CAMK1G: variants seen among roughly 807,000 people sequenced by gnomAD.
CAMK1G encodes calcium/calmodulin dependent protein kinase IG.
A neutral mutation model predicts 54.8 loss-of-function variants in CAMK1G; 27 were observed. The ratio of observed to expected loss-of-function variants is 0.49; its 90% CI spans 0.36 to 0.68. The LOEUF is 0.68. CAMK1G is among the 30% of genes least tolerant of loss of function. The probability of loss-of-function intolerance (pLI) is 0.00; values close to 1 mark genes in which losing one functional copy is unlikely to be tolerated. For missense variants in CAMK1G, 512 were observed against 591.0 expected, an observed-to-expected ratio of 0.87 and a Z score of 1.39; for synonymous variants, 238 against 224.9, an observed-to-expected ratio of 1.06 and a Z score of -0.52.
chr1:209,584,122 C>A (rs1357616798), intron 1 of CAMK1G, among the ~76,000 whole-genome samples: 3 of 152,130 alleles, frequency 2.0e-5, no homozygotes, highest in Non-Finnish European at 4.4e-5. Flanking sequence ...CCTAGAGGGA[C>A]CCCGTCCATC....
intron 3 of CAMK1G, among the ~76,000 whole-genome samples, chr1:209,601,518 GGA>G: frequency 6.6e-6 from 1 of 152,310 alleles, no homozygotes; most frequent in Non-Finnish European, 1.5e-5. Context: ...ATAACATGCT[GGA>G]GACACAGGTC....
At chr1:209,608,911 G>A in intron 7 of CAMK1G, 69 bp from the exon 8 acceptor site, 2 of 1,595,730 alleles carry the variant, frequency 1.3e-6, no homozygotes, top group South Asian at 1.1e-5. Flanking sequence ...GGAGCTTGGG[G>A]GAGCAGAGAG....
In CAMK1G at chr1:209,613,028, T is replaced by C. The variant is rs1665821779; in HGVS notation, c.*38-12T>C. ...CAACCCCCTCCTCACTCTGAGCCCC[T>C]TTCTCTTGCAGGAGACATATTCAAC... On this transcript the variant is annotated splice_polypyrimidine_tract_variant and intron_variant, in intron 12 of 12. Transcript: ENST00000361322. The C allele has an allele frequency of 1.7e-6, 1 of 597,548 alleles. No individual in the cohort carries two copies. Among genetic ancestry groups the C allele is most frequent in the South Asian group, 1.9e-5 (1 of 52,342 alleles). The allele number at this position is 597,548 out of a possible 1,614,324, so 37.0% of individuals were successfully genotyped here.
rs868779412 is a variant in CAMK1G at position 209,596,661 on chromosome 1, C to A, written c.92+1586C>A. 6.4e-3 allele frequency among the ~76,000 whole-genome samples: 946 copies of A among 148,188 alleles called. 4 individuals are homozygous for A. The highest frequency in any genetic ancestry group is 0.011 in the South Asian group (52 of 4,570). ...GTATGTATTTTACATCACACACACA[C>A]CACACACACACACACACACACACAC... On this transcript the variant is annotated intron_variant, in intron 2 of 12. Transcript: ENST00000361322.
At position 209,587,254 on chromosome 1, in the gene CAMK1G, GA is replaced by G. The variant is rs535663875; in HGVS notation, c.-30+3483del. Among the ~76,000 whole-genome samples, 105 of 152,162 alleles carry G rather than the reference GA, an allele frequency of 6.9e-4. 1 individual carries two copies. The highest frequency in any genetic ancestry group is 2.5e-3 in the African/African-American group (104 of 41,552). On this transcript the variant is annotated intron_variant, in intron 1 of 12. Coordinates refer to ENST00000361322, the MANE Select transcript of CAMK1G (RefSeq NM_020439.3). ...AGCCATTCACCTATGACACCACAAG[GA>G]GGGTGAAACTGTGACTGATGGCAGA...
intron 2 of CAMK1G, among the ~76,000 whole-genome samples, chr1:209,595,494 C>T (rs1665358053): frequency 6.6e-6 from 1 of 152,142 alleles, no homozygotes; most frequent in South Asian, 2.1e-4. Flanking sequence ...CCTTCTGACC[C>T]ACCTGCAATG....
At chr1:209,591,273 T>A (rs35913818) in intron 1 of CAMK1G, among the ~76,000 whole-genome samples, 32,052 of 152,102 alleles carry the variant, frequency 0.21, 3,926 homozygotes, top group Non-Finnish European at 0.27. Context: ...GAGGAGCAGA[T>A]CAGCAAATGG....
intron 7 of CAMK1G, 95 bp from the exon 8 acceptor site, chr1:209,608,885 A>G (rs1056209301): frequency 1.0e-5 from 16 of 1,545,536 alleles, no homozygotes; most frequent in African/African-American, 2.7e-5. Flanking sequence ...TTCAGTGCCC[A>G]CCTGTGTATA....
At chr1:209,599,052 G>A (rs932754640) in intron 2 of CAMK1G, among the ~76,000 whole-genome samples, 4 of 152,208 alleles carry the variant, frequency 2.6e-5, no homozygotes, top group African/African-American at 9.7e-5. Context: ...ATGGCAGAAG[G>A]TGAAGGGGAA....
intron 1 of CAMK1G, among the ~76,000 whole-genome samples, chr1:209,584,209 C>T (rs1665036664): frequency 6.6e-6 from 1 of 152,188 alleles, no homozygotes; most frequent in Admixed American, 6.5e-5. Context: ...CTCTCTGACC[C>T]CATCCATCAA....
intron 6 of CAMK1G, among the ~76,000 whole-genome samples, chr1:209,606,745 G>T (rs755180405): frequency 6.6e-6 from 1 of 152,152 alleles, no homozygotes; most frequent in Non-Finnish European, 1.5e-5. Context: ...TGGACCAGGG[G>T]CAGACAAGAT....
intron 10 of CAMK1G, 31 bp downstream of exon 10, chr1:209,611,583 C>A (rs201983947): frequency 1.0e-4 from 159 of 1,591,800 alleles, no homozygotes; most frequent in Admixed American, 6.7e-4. Flanking sequence ...GGTGGGAAAG[C>A]TGTTCTGGGC....
intron 1 of CAMK1G, among the ~76,000 whole-genome samples, chr1:209,585,623 G>A (rs1044375396): frequency 4.6e-5 from 7 of 152,222 alleles, no homozygotes; most frequent in South Asian, 2.1e-4. Context: ...TGCCTAGCGC[G>A]GTGCCCCACC....
At chr1:209,608,336 A>G (rs2076225) in intron 7 of CAMK1G, among the ~76,000 whole-genome samples, 3,849 of 152,218 alleles carry the variant, frequency 0.025, 173 homozygotes, top group East Asian at 0.23. Flanking sequence ...AGCTTTCCCA[A>G]GGCAAAACTG....
rs373059526 is a variant in CAMK1G at position 209,603,351 on chromosome 1, G to A, written c.296+63G>A. On this transcript the variant is annotated intron_variant, in intron 4 of 12. Coordinates refer to ENST00000361322, the MANE Select transcript of CAMK1G (RefSeq NM_020439.3). Reference sequence around the variant, plus strand: ...GGTGGGGCCTGGGAGGCCTACAGGAGGTTGGTCGCTGGTGAGGGATGGACA... The same window carrying A: ...GGTGGGGCCTGGGAGGCCTACAGGAAGTTGGTCGCTGGTGAGGGATGGACA... 9,399 of 1,356,310 alleles carry A rather than the reference G, an allele frequency of 6.9e-3. 47 individuals are homozygous for A. The highest frequency in any genetic ancestry group is 8.6e-3 in the Non-Finnish European group (8,235 of 953,320). 84.0% of individuals were successfully genotyped at this position (1,356,310 alleles called of 1,614,324 possible).
intron 4 of CAMK1G, among the ~76,000 whole-genome samples, chr1:209,604,455 CAA>C (rs571321111): frequency 9.7e-4 from 148 of 152,316 alleles, no homozygotes; most frequent in African/African-American, 3.5e-3. Context: ...TAGCTCTGTA[CAA>C]AGAGTGTATT....
chr1:209,602,738 C>T (rs1193082119), intron 3 of CAMK1G, among the ~76,000 whole-genome samples: 1 of 152,078 alleles, frequency 6.6e-6, no homozygotes, highest in Non-Finnish European at 1.5e-5. Flanking sequence ...GACTTGGGTC[C>T]CATCTCTAAG....
chr1:209,608,700 T>C (rs1354412873), intron 7 of CAMK1G, among the ~76,000 whole-genome samples: 1 of 152,172 alleles, frequency 6.6e-6, no homozygotes, highest in Non-Finnish European at 1.5e-5. Flanking sequence ...ATAGCATTCA[T>C]AAGTCAGGGA....
At chr1:209,593,284 C>T (rs1032020779) in intron 1 of CAMK1G, among the ~76,000 whole-genome samples, 1 of 152,086 alleles carries the variant, frequency 6.6e-6, no homozygotes, top group African/African-American at 2.4e-5. Context: ...AATACAAGAC[C>T]CCATAGAGTC....
Sources: allele counts gnomAD v4.1 joint callset (sites outside exome capture counted in the v4.1 genomes callset), GRCh38; gene constraint gnomAD v4.1.1; transcripts MANE v1.5; gene names NCBI Gene and HGNC (gene_info 2026-07-23, HGNC 2026-07-21).